Variants in GPC6 observed in about 807,000 individuals in gnomAD.
GPC6 encodes glypican 6, also known as glypican-6.
A neutral mutation model predicts 55.2 loss-of-function variants in GPC6; 14 were observed. The ratio of observed to expected loss-of-function variants is 0.25; its 90% CI spans 0.17 to 0.40. GPC6 has a LOEUF of 0.40. Ranked by LOEUF, GPC6 falls within the 10% of genes least tolerant of loss-of-function variation. The pLI, the probability that GPC6 is intolerant of heterozygous loss-of-function variation, is 1.00. For missense variants in GPC6, 641 were observed against 708.5 expected (o/e 0.90, Z 1.08); for synonymous variants, 278 against 259.6 (o/e 1.07, Z -0.68).
intron 3 of GPC6, among the ~76,000 whole-genome samples, chr13:93,895,824 A>C (rs1875980756): frequency 6.6e-6 from 1 of 152,034 alleles, no homozygotes; most frequent in Non-Finnish European, 1.5e-5. Flanking sequence ...CAAACTTTTA[A>C]AATCTTACCA....
intron 1 of GPC6, among the ~76,000 whole-genome samples, chr13:93,425,733 C>A (rs753254856): frequency 3.9e-5 from 6 of 152,156 alleles, no homozygotes; most frequent in Non-Finnish European, 7.4e-5. Flanking sequence ...GCAAACCTCT[C>A]ACCATTTCCT....
intron 1 of GPC6, among the ~76,000 whole-genome samples, chr13:93,269,707 C>T (rs902610453): frequency 2.7e-5 from 4 of 148,702 alleles, no homozygotes; most frequent in South Asian, 2.1e-4. Flanking sequence ...GGGCGGATCA[C>T]GAGGTCAGGA....
chr13:94,374,093 C>T (rs958088601), intron 6 of GPC6, among the ~76,000 whole-genome samples: 28 of 152,034 alleles, frequency 1.8e-4, no homozygotes, highest in African/African-American at 6.8e-4. Flanking sequence ...ACAACCGATA[C>T]CAGCCACTGC....
At chr13:93,776,928 G>A (rs1885489516) in intron 2 of GPC6, among the ~76,000 whole-genome samples, 1 of 152,160 alleles carries the variant, frequency 6.6e-6, no homozygotes, top group South Asian at 2.1e-4. Context: ...ATACGGAACA[G>A]TTGTGCTAAT....
At chr13:93,576,697 C>A (rs942612047) in intron 2 of GPC6, among the ~76,000 whole-genome samples, 2 of 152,018 alleles carry the variant, frequency 1.3e-5, no homozygotes, top group Admixed American at 6.6e-5. Flanking sequence ...TAAAATTTTA[C>A]CCCATGACCT....
intron 5 of GPC6, among the ~76,000 whole-genome samples, chr13:94,300,563 AAG>A (rs1436070917): frequency 2.6e-5 from 4 of 152,158 alleles, no homozygotes; most frequent in Admixed American, 1.3e-4. Flanking sequence ...TAATCCTCTT[AAG>A]AGAGAGGATT....
rs191989006 is a variant in GPC6 at position 93,292,102 on chromosome 13, A to C, written c.160+64486A>C. ...ATTTCACAATGATAAATAAATCAAA[A>C]GGCAAATTCATCATTGATAAGCCAT... On this transcript the variant is annotated intron_variant, in intron 1 of 8. Transcript: ENST00000377047. 5.1e-3 allele frequency among the ~76,000 whole-genome samples: 779 copies of C among 152,338 alleles called. 5 individuals are homozygous for C. The highest frequency in any genetic ancestry group is 0.017 in the Middle Eastern group (5 of 294).
intron 6 of GPC6, among the ~76,000 whole-genome samples, chr13:94,370,998 C>G (rs1047666900): frequency 2.6e-5 from 4 of 152,138 alleles, no homozygotes; most frequent in Non-Finnish European, 5.9e-5. Context: ...TCCAAAGTTT[C>G]TTTTCAAAAG....
chr13:94,266,317 C>T (rs1043620635), intron 4 of GPC6, among the ~76,000 whole-genome samples: 47 of 152,134 alleles, frequency 3.1e-4, no homozygotes, highest in South Asian at 4.1e-4. Context: ...TACAGGCGCC[C>T]GCCACCACTT....
chr13:93,768,974 A>G (rs575593033), intron 2 of GPC6, among the ~76,000 whole-genome samples: 2 of 152,284 alleles, frequency 1.3e-5, no homozygotes, highest in South Asian at 2.1e-4. Context: ...CTAATTTCCA[A>G]AAACATAGTG....
At chr13:94,340,949 T>G (rs564680837) in intron 6 of GPC6, among the ~76,000 whole-genome samples, 59 of 152,348 alleles carry the variant, frequency 3.9e-4, no homozygotes, top group South Asian at 2.1e-4. Context: ...GCCTCATTAC[T>G]GAGAAACATC....
At chr13:93,281,162 A>G (rs921487227) in intron 1 of GPC6, among the ~76,000 whole-genome samples, 1 of 152,226 alleles carries the variant, frequency 6.6e-6, no homozygotes, top group Admixed American at 6.5e-5. Context: ...ATCTGCCACA[A>G]TAGCACTTAC....
intron 2 of GPC6, among the ~76,000 whole-genome samples, chr13:93,775,661 G>C (rs1278821876): frequency 3.3e-5 from 5 of 152,110 alleles, no homozygotes; most frequent in Admixed American, 3.3e-4. Context: ...GAAAGCTCAG[G>C]GTTGATGACA....
intron 1 of GPC6, among the ~76,000 whole-genome samples, chr13:93,344,861 A>C (rs180859452): frequency 2.0e-4 from 31 of 152,280 alleles, no homozygotes; most frequent in Admixed American, 1.8e-3. Context: ...CTTATCACAA[A>C]AGCCTATTTT....
intron 1 of GPC6, among the ~76,000 whole-genome samples, chr13:93,454,521 C>T (rs918657557): frequency 2.9e-5 from 4 of 137,914 alleles, no homozygotes; most frequent in African/African-American, 1.1e-4. Flanking sequence ...ACAGAGTGTC[C>T]ACTGGTGCAT....
intron 3 of GPC6, among the ~76,000 whole-genome samples, chr13:94,012,103 T>C (rs772811918): frequency 2.6e-4 from 40 of 152,320 alleles, no homozygotes; most frequent in South Asian, 1.0e-3. Flanking sequence ...CTGGCATCTT[T>C]TGAAGGATCT....
At chr13:93,558,347 A>G (rs1209018691) in intron 2 of GPC6, among the ~76,000 whole-genome samples, 3 of 152,184 alleles carry the variant, frequency 2.0e-5, no homozygotes, top group African/African-American at 7.2e-5. Flanking sequence ...CTTAGATAAG[A>G]GCATAAATAA....
At chr13:94,152,942 A>T (rs1165399013) in intron 4 of GPC6, among the ~76,000 whole-genome samples, 1 of 152,168 alleles carries the variant, frequency 6.6e-6, no homozygotes, top group Non-Finnish European at 1.5e-5. Flanking sequence ...TAAGATTTGT[A>T]AAAATAATAT....
intron 6 of GPC6, among the ~76,000 whole-genome samples, chr13:94,335,734 T>C (rs1431870090): frequency 6.6e-6 from 1 of 152,194 alleles, no homozygotes; most frequent in Non-Finnish European, 1.5e-5. Flanking sequence ...TGCATGTTTC[T>C]GAAATAATAA....
Sources: gnomAD v4.1 joint callset for allele counts (sites outside exome capture counted in the v4.1 genomes callset) on GRCh38, gnomAD v4.1.1 for gene constraint, MANE v1.5 for transcripts, NCBI Gene and HGNC (gene_info 2026-07-23, HGNC 2026-07-21) for gene names.